RAB7A: variants seen among roughly 807,000 people sequenced by gnomAD.
The protein encoded by RAB7A is RAB7A, member RAS oncogene family.
Under a neutral mutation model 24.5 loss-of-function variants are expected in RAB7A, and 2 were observed. The observed-to-expected ratio is 0.08, with a 90% CI of 0.03 to 0.26. The LOEUF (loss-of-function observed/expected upper bound fraction) is 0.26. RAB7A is among the 10% of genes least tolerant of loss of function. The probability of loss-of-function intolerance (pLI) is 1.00; values close to 1 mark genes in which losing one functional copy is unlikely to be tolerated. For missense variants in RAB7A, 118 were observed against 255.7 expected (o/e 0.46, Z 3.67); for synonymous variants, 100 against 95.9 (o/e 1.04, Z -0.25).
rs112187084 is a variant in RAB7A at position 128,743,295 on chromosome 3, C to T, written c.-9+16936C>T. Among the ~76,000 whole-genome samples the T allele has an allele frequency of 3.6e-3, 545 of 152,364 alleles. 4 individuals carry two copies. Among genetic ancestry groups the T allele is most frequent in the African/African-American group, 0.012 (500 of 41,594 alleles). On this transcript the variant is annotated intron_variant, in intron 1 of 5. Coordinates refer to ENST00000265062, the MANE Select transcript of RAB7A (RefSeq NM_004637.6). The stretch of plus-strand genomic sequence containing the variant: ...CCGCGCGCAGCCCCAGTTTCCCGCC[C>T]ATGCCTCTCCCTCCACAACTCCCTG...
intron 2 of RAB7A, 83 bp downstream of exon 2, chr3:128,795,503 A>C (rs1017858760): frequency 1.1e-5 from 15 of 1,312,614 alleles, no homozygotes; most frequent in African/African-American, 1.5e-5. Flanking sequence ...CCGTGCTGCC[A>C]CTTCTTGCTT....
intron 1 of RAB7A, among the ~76,000 whole-genome samples, chr3:128,762,380 C>G (rs1395590222): frequency 2.0e-5 from 3 of 152,182 alleles, no homozygotes; most frequent in Admixed American, 6.5e-5. Flanking sequence ...CGTTTAAGCT[C>G]TCTTCTCCCA....
chr3:128,739,496 G>A (rs1231801452), intron 1 of RAB7A, among the ~76,000 whole-genome samples: 1 of 148,692 alleles, frequency 6.7e-6, no homozygotes, highest in Non-Finnish European at 1.5e-5. Context: ...CTTGCCAACA[G>A]AGCAAGACTT....
chr3:128,734,134 A>G (rs541467185), intron 1 of RAB7A, among the ~76,000 whole-genome samples: 2 of 152,274 alleles, frequency 1.3e-5, no homozygotes, highest in African/African-American at 4.8e-5. Context: ...CATTGGGGTT[A>G]AAAGCAGAGG....
intron 1 of RAB7A, among the ~76,000 whole-genome samples, chr3:128,760,104 A>T (rs866432818): frequency 1.3e-5 from 2 of 152,074 alleles, no homozygotes; most frequent in African/African-American, 4.8e-5. Flanking sequence ...GTGTTTCTGG[A>T]TGAGATTTGG....
chr3:128,760,529 C>T (rs1309554612), intron 1 of RAB7A, among the ~76,000 whole-genome samples: 1 of 152,178 alleles, frequency 6.6e-6, no homozygotes, highest in Non-Finnish European at 1.5e-5. Flanking sequence ...ACACTTCCTA[C>T]AATGTAGAGT....
intron 1 of RAB7A, among the ~76,000 whole-genome samples, chr3:128,779,022 T>G (rs1241527259): frequency 6.6e-6 from 1 of 152,220 alleles, no homozygotes; most frequent in Non-Finnish European, 1.5e-5. Context: ...AGGAAGTTAA[T>G]CATTATTGAA....
chr3:128,791,952 T>A (rs1433988832), intron 1 of RAB7A, among the ~76,000 whole-genome samples: 1 of 152,102 alleles, frequency 6.6e-6, no homozygotes, highest in South Asian at 2.1e-4. Flanking sequence ...GTGATAATCT[T>A]ACGAGTCAGA....
At chr3:128,728,436 C>T (rs1244814775) in intron 1 of RAB7A, among the ~76,000 whole-genome samples, 1 of 152,164 alleles carries the variant, frequency 6.6e-6, no homozygotes, top group Non-Finnish European at 1.5e-5. Context: ...CAACTTGTTT[C>T]TCCTTTTGCT....
intron 1 of RAB7A, among the ~76,000 whole-genome samples, chr3:128,755,191 C>A (rs748383800): frequency 6.6e-6 from 1 of 151,900 alleles, no homozygotes; most frequent in African/African-American, 2.4e-5. Context: ...AGTGAGAAAT[C>A]AGTAACAGAA....
At chr3:128,805,725 T>C (rs572621369) in intron 3 of RAB7A, among the ~76,000 whole-genome samples, 1 of 152,178 alleles carries the variant, frequency 6.6e-6, no homozygotes, top group Non-Finnish European at 1.5e-5. Flanking sequence ...CGATCTTGGC[T>C]CACCGCAACC....
chr3:128,813,120 A>G (rs995532772), intron 5 of RAB7A, among the ~76,000 whole-genome samples: 1 of 152,218 alleles, frequency 6.6e-6, no homozygotes, highest in African/African-American at 2.4e-5. Context: ...GAGTTGTCAC[A>G]AAATCTGTTT....
chr3:128,809,702 A>G (rs946203465), intron 5 of RAB7A, among the ~76,000 whole-genome samples: 1 of 152,098 alleles, frequency 6.6e-6, no homozygotes, highest in African/African-American at 2.4e-5. Context: ...ATGGCAGAAA[A>G]GAGAGACTTG....
intron 1 of RAB7A, chr3:128,764,514 T>C (rs1005236652): frequency 5.9e-6 from 5 of 841,152 alleles, no homozygotes; most frequent in African/African-American, 1.7e-5. Context: ...TAAAGATATA[T>C]TCTGCCAAGC....
At chr3:128,749,858 G>C (rs1227368731) in intron 1 of RAB7A, among the ~76,000 whole-genome samples, 4 of 152,240 alleles carry the variant, frequency 2.6e-5, no homozygotes, top group African/African-American at 9.6e-5. Flanking sequence ...TCATGGGTAT[G>C]TCTTTATCAG....
chr3:128,771,696 A>G (rs1486475842), intron 1 of RAB7A, among the ~76,000 whole-genome samples: 1 of 152,234 alleles, frequency 6.6e-6, no homozygotes, highest in East Asian at 1.9e-4. Flanking sequence ...TCGGTGCAAT[A>G]GTAATTGCGG....
intron 1 of RAB7A, among the ~76,000 whole-genome samples, chr3:128,781,687 G>A (rs934766544): frequency 6.6e-6 from 1 of 151,616 alleles, no homozygotes; most frequent in Non-Finnish European, 1.5e-5. Flanking sequence ...ACAAAAAACA[G>A]TTCACACAGC....
At position 128,726,244 on chromosome 3, in the gene RAB7A, G is replaced by C. The variant is rs1369771656; in HGVS notation, c.-124G>C. Reference sequence around the variant, plus strand: ...GGAGTTGGCGGCTTGGAGAGCTCGGGAGAGTTCCCTGGAACCAGAACTTGG... The same window carrying C: ...GGAGTTGGCGGCTTGGAGAGCTCGGCAGAGTTCCCTGGAACCAGAACTTGG... On this transcript the variant is annotated 5_prime_UTR_variant, in exon 1 of 6. Coordinates refer to ENST00000265062, the MANE Select transcript of RAB7A (RefSeq NM_004637.6). The C allele has an allele frequency of 1.3e-5, 2 of 153,628 alleles. No homozygotes were observed. Among genetic ancestry groups the C allele is most frequent in the Non-Finnish European group, 2.9e-5 (2 of 68,738 alleles). The allele number at this position is 153,628 out of a possible 1,614,324, so 9.5% of individuals were successfully genotyped here.
chr3:128,797,061 C>T (rs1462666238), intron 2 of RAB7A, among the ~76,000 whole-genome samples: 3 of 152,162 alleles, frequency 2.0e-5, no homozygotes, highest in Non-Finnish European at 2.9e-5. Flanking sequence ...ACTCCATCCC[C>T]GTCGGGATGG....
Sources: gnomAD v4.1 joint callset for allele counts (sites outside exome capture counted in the v4.1 genomes callset) on GRCh38, gnomAD v4.1.1 for gene constraint, MANE v1.5 for transcripts, NCBI Gene and HGNC (gene_info 2026-07-23, HGNC 2026-07-21) for gene names.